MAGI2: variants seen among roughly 807,000 people sequenced by gnomAD.
MAGI2 encodes the protein membrane associated guanylate kinase, WW and PDZ domain containing 2, also known as membrane-associated guanylate kinase, WW and PDZ domain-containing protein 2.
Under a neutral mutation model 133.3 loss-of-function variants are expected in MAGI2, and 35 were observed. The ratio of observed to expected loss-of-function variants is 0.26; its 90% CI spans 0.20 to 0.35. MAGI2 has a LOEUF of 0.35. Ranked by LOEUF, MAGI2 falls within the 10% of genes least tolerant of loss-of-function variation. The pLI is 1.00. For synonymous variants in MAGI2, 729 were observed against 710.6 expected, an observed-to-expected ratio of 1.03 and a Z score of -0.41; for missense variants, 1,636 against 1,863.4, an observed-to-expected ratio of 0.88 and a Z score of 2.25.
intron 1 of MAGI2, among the ~76,000 whole-genome samples, chr7:79,058,103 G>C (rs184229240): frequency 1.6e-3 from 236 of 152,038 alleles, no homozygotes; most frequent in African/African-American, 5.2e-3. Context: ...GGTGGAGAGG[G>C]GGGAAGAAGA....
chr7:78,093,249 G>A (rs1019848192), intron 20 of MAGI2, among the ~76,000 whole-genome samples: 5 of 151,358 alleles, frequency 3.3e-5, no homozygotes, highest in African/African-American at 9.7e-5. Flanking sequence ...TTTGAGGTCA[G>A]GAATTCATGA....
At chr7:78,757,782 T>C (rs1451189507) in intron 2 of MAGI2, among the ~76,000 whole-genome samples, 1 of 152,164 alleles carries the variant, frequency 6.6e-6, no homozygotes, top group Non-Finnish European at 1.5e-5. Flanking sequence ...CACCCTGGAG[T>C]TTAGTACAGA....
intron 6 of MAGI2, among the ~76,000 whole-genome samples, chr7:78,414,799 T>G (rs1225130110): frequency 6.6e-6 from 1 of 152,114 alleles, no homozygotes; most frequent in Non-Finnish European, 1.5e-5. Context: ...GCTTGACAAC[T>G]GTTTAAAACT....
intron 10 of MAGI2, among the ~76,000 whole-genome samples, chr7:78,219,655 C>T (rs753325564): frequency 1.3e-5 from 2 of 152,182 alleles, no homozygotes; most frequent in Non-Finnish European, 2.9e-5. Context: ...TGAATGTAAT[C>T]TCTTCCCCCA....
At chr7:78,338,097 T>C (rs1170323979) in intron 9 of MAGI2, among the ~76,000 whole-genome samples, 1 of 152,220 alleles carries the variant, frequency 6.6e-6, no homozygotes, top group African/African-American at 2.4e-5. Flanking sequence ...GTATTTGTGA[T>C]ATTTTGGTTT....
Position 78,379,393 on chromosome 7 carries a change from AAC to A in MAGI2, c.1046-10182_1046-10181del, listed in dbSNP as rs1008419096. Reference sequence around the variant, plus strand: ...AAGATAGGCCTGACAAGAAAAATAAAACAGAGTTTACAGTCTTCCTATTAGAT... The same window carrying A: ...AAGATAGGCCTGACAAGAAAAATAAAAGAGTTTACAGTCTTCCTATTAGAT... On this transcript the variant is annotated intron_variant, in intron 6 of 21. Coordinates refer to ENST00000354212, the MANE Select transcript of MAGI2 (RefSeq NM_012301.4). Among the ~76,000 whole-genome samples, 5 of 152,130 alleles carry A rather than the reference AAC, an allele frequency of 3.3e-5. No individual in the cohort carries two copies. In the East Asian group the frequency reaches 9.7e-4, roughly 29 times the overall value.
chr7:78,193,435 T>G (rs1198150293), intron 12 of MAGI2, among the ~76,000 whole-genome samples: 1 of 152,218 alleles, frequency 6.6e-6, no homozygotes, highest in East Asian at 1.9e-4. Flanking sequence ...CCCAGTTAAA[T>G]GTGTGAGAGC....
At chr7:79,006,949 T>C in intron 2 of MAGI2, 141 bp downstream of exon 2, 1 of 568,412 alleles carries the variant, frequency 1.8e-6, no homozygotes, top group Non-Finnish European at 3.0e-6. Flanking sequence ...GCACTTAAAA[T>C]TGCCACATCT....
intron 21 of MAGI2, among the ~76,000 whole-genome samples, chr7:78,044,886 T>C (rs1296485731): frequency 6.6e-6 from 1 of 152,242 alleles, no homozygotes; most frequent in Non-Finnish European, 1.5e-5. Context: ...TCTAAGGATG[T>C]GGCCGGGTGC....
intron 7 of MAGI2, among the ~76,000 whole-genome samples, chr7:78,349,054 A>C (rs1302255395): frequency 6.6e-6 from 1 of 152,226 alleles, no homozygotes; most frequent in Non-Finnish European, 1.5e-5. Flanking sequence ...TCTGTGACGT[A>C]GTATACAGCA....
chr7:78,641,311 C>T (rs186647406), intron 2 of MAGI2, among the ~76,000 whole-genome samples: 156 of 152,174 alleles, frequency 1.0e-3, no homozygotes, highest in Middle Eastern at 6.8e-3. Context: ...CAAACTATTC[C>T]TTTGGATTAG....
intron 2 of MAGI2, among the ~76,000 whole-genome samples, chr7:78,942,968 T>C (rs531939754): frequency 1.3e-5 from 2 of 152,130 alleles, no homozygotes; most frequent in East Asian, 1.9e-4. Context: ...TTATCAGCTA[T>C]TGTGCCATTT....
chr7:78,531,215 GTTT>G (rs373643954), intron 3 of MAGI2, among the ~76,000 whole-genome samples: 3 of 135,654 alleles, frequency 2.2e-5, no homozygotes, highest in Admixed American at 7.4e-5. Context: ...TATTAATTAA[GTTT>G]TTTTTTTTTT....
chr7:79,392,939 C>A (rs1015576057), intron 1 of MAGI2, among the ~76,000 whole-genome samples: 2 of 152,120 alleles, frequency 1.3e-5, no homozygotes, highest in Non-Finnish European at 2.9e-5. Flanking sequence ...TTAACACTCA[C>A]GTATTTTACT....
chr7:79,306,821 T>G (rs1444604986), intron 1 of MAGI2, among the ~76,000 whole-genome samples: 1 of 89,940 alleles, frequency 1.1e-5, no homozygotes, highest in African/African-American at 7.3e-5. Flanking sequence ...TTCTGAAGAA[T>G]TTTTTTTTTT....
chr7:78,963,062 T>A (rs1802988748), intron 2 of MAGI2, among the ~76,000 whole-genome samples: 1 of 152,120 alleles, frequency 6.6e-6, no homozygotes, highest in Non-Finnish European at 1.5e-5. Flanking sequence ...GTTTTCTTAC[T>A]ATCCTCTAAC....
intron 2 of MAGI2, among the ~76,000 whole-genome samples, chr7:78,782,669 T>G (rs1826492304): frequency 6.6e-6 from 1 of 151,884 alleles, no homozygotes; most frequent in Non-Finnish European, 1.5e-5. Flanking sequence ...AGAAAGACTG[T>G]CAGAAATAAA....
chr7:78,424,290 C>A (rs1799076733), intron 6 of MAGI2, among the ~76,000 whole-genome samples: 1 of 152,158 alleles, frequency 6.6e-6, no homozygotes, highest in Admixed American at 6.5e-5. Flanking sequence ...ATTGAGCCTG[C>A]AGGTGCACAG....
intron 1 of MAGI2, among the ~76,000 whole-genome samples, chr7:79,254,196 T>C (rs1230828736): frequency 3.3e-5 from 5 of 152,184 alleles, no homozygotes; most frequent in African/African-American, 1.2e-4. Flanking sequence ...CTGTTCATAT[T>C]CTTTGACCAT....
Sources: gnomAD v4.1 joint callset for allele counts (sites outside exome capture counted in the v4.1 genomes callset) on GRCh38, gnomAD v4.1.1 for gene constraint, MANE v1.5 for transcripts, NCBI Gene and HGNC (gene_info 2026-07-23, HGNC 2026-07-21) for gene names.